PDE1A: variants seen among roughly 807,000 people sequenced by gnomAD.
The protein encoded by PDE1A is phosphodiesterase 1A, also known as dual specificity calcium/calmodulin-dependent 3',5'-cyclic nucleotide phosphodiesterase 1A.
Under a neutral mutation model 61.7 loss-of-function variants are expected in PDE1A, and 35 were observed. The ratio of observed to expected loss-of-function variants is 0.57; its 90% CI spans 0.43 to 0.75. PDE1A has a LOEUF of 0.75. Among genes scored for constraint, PDE1A ranks in the 30% least tolerant of loss-of-function variants. The pLI is 0.00. For synonymous variants in PDE1A, 232 were observed against 213.2 expected, an observed-to-expected ratio of 1.09 and a Z score of -0.77; for missense variants, 597 against 630.6, an observed-to-expected ratio of 0.95 and a Z score of 0.57.
chr2:182,410,078 A>C (rs542992310), intron 1 of PDE1A, among the ~76,000 whole-genome samples: 1 of 152,202 alleles, frequency 6.6e-6, no homozygotes, highest in African/African-American at 2.4e-5. Context: ...CAGGCCAGAC[A>C]TGGTGGCTTA....
At chr2:182,365,948 GTAC>G (rs1214344229) in intron 1 of PDE1A, among the ~76,000 whole-genome samples, 40 of 152,114 alleles carry the variant, frequency 2.6e-4, no homozygotes, top group African/African-American at 9.6e-4. Flanking sequence ...CCTCCGAGGT[GTAC>G]TGTCAACTGT....
At chr2:182,596,459 G>A in the PDE1A span, among the ~76,000 whole-genome samples, 1 of 152,176 alleles carries the variant, frequency 6.6e-6, no homozygotes, top group Admixed American at 6.5e-5. Context: ...ACATCGCAAG[G>A]GGAGAAGGAA....
the PDE1A span, among the ~76,000 whole-genome samples, chr2:182,574,155 G>C: frequency 2.0e-5 from 3 of 151,838 alleles, no homozygotes; most frequent in African/African-American, 7.3e-5. Flanking sequence ...AAAGATGTAG[G>C]CTGGGAGGCT....
At chr2:182,276,985 C>T (rs184948968) in intron 1 of PDE1A, among the ~76,000 whole-genome samples, 14 of 152,148 alleles carry the variant, frequency 9.2e-5, no homozygotes, top group African/African-American at 2.4e-4. Flanking sequence ...TGCTCTCGAA[C>T]GCTGTTTTCT....
chr2:182,628,147 G>T, the PDE1A span, among the ~76,000 whole-genome samples: 1 of 152,026 alleles, frequency 6.6e-6, no homozygotes, highest in Non-Finnish European at 1.5e-5. Context: ...AGAGGACTTT[G>T]CTTATCCTTA....
At chr2:182,596,198 A>G in the PDE1A span, among the ~76,000 whole-genome samples, 4 of 152,230 alleles carry the variant, frequency 2.6e-5, no homozygotes, top group African/African-American at 9.6e-5. Context: ...GGTACGCTGG[A>G]CCAGGCAGCT....
intron 3 of PDE1A, 107 bp from the exon 4 acceptor site, chr2:182,234,605 T>C (rs1047255305): frequency 1.6e-5 from 11 of 693,416 alleles, no homozygotes; most frequent in Non-Finnish European, 2.5e-5. Context: ...TCACCTCTTA[T>C]CATTAGTTAC....
the PDE1A span, among the ~76,000 whole-genome samples, chr2:182,567,562 T>C: frequency 6.6e-6 from 1 of 152,078 alleles, no homozygotes; most frequent in Non-Finnish European, 1.5e-5. Flanking sequence ...ATCTCTTTAC[T>C]AGGTTTTCTA....
the PDE1A span, among the ~76,000 whole-genome samples, chr2:182,695,671 AAAAAAAAAAAAAAAG>A: frequency 1.1e-5 from 1 of 89,238 alleles, no homozygotes; most frequent in African/African-American, 3.9e-5. Flanking sequence ...TCTCTCAAAA[AAAAAAAAAAAAAAAG>A]AAAAAGAAAA....
intron 6 of PDE1A, among the ~76,000 whole-genome samples, chr2:182,225,825 A>T (rs1689097420): frequency 6.7e-6 from 1 of 150,108 alleles, no homozygotes; most frequent in Non-Finnish European, 1.5e-5. Flanking sequence ...AGTGATTGTA[A>T]TTCATGTACA....
At chr2:182,448,162 A>T (rs1210554868) in intron 2 of PDE1A, among the ~76,000 whole-genome samples, 1 of 152,104 alleles carries the variant, frequency 6.6e-6, no homozygotes, top group African/African-American at 2.4e-5. Context: ...ACATTTCAAG[A>T]TTCTAACACT....
intron 12 of PDE1A, among the ~76,000 whole-genome samples, 173 bp downstream of exon 12, chr2:182,186,295 T>C (rs1310830739): frequency 3.3e-5 from 5 of 152,200 alleles, no homozygotes; most frequent in African/African-American, 1.2e-4. Context: ...TTTTGTGTAT[T>C]AAACTTCAGT....
downstream of PDE1A, chr2:182,142,123 A>AACTCAC (rs1553516500): frequency 6.8e-6 from 1 of 146,212 alleles, no homozygotes; most frequent in African/African-American, 2.5e-5. Context: ...GACATTTTTG[A>AACTCAC]ACACACACAC....
At chr2:182,290,263 A>C (rs185506895) in intron 1 of PDE1A, among the ~76,000 whole-genome samples, 18 of 152,248 alleles carry the variant, frequency 1.2e-4, no homozygotes, top group Admixed American at 7.9e-4. Flanking sequence ...AAGTATATTG[A>C]GTATGCATGT....
intron 10 of PDE1A, among the ~76,000 whole-genome samples, chr2:182,198,161 A>G (rs10169895): frequency 0.24 from 35,590 of 151,150 alleles, 4,717 homozygotes; most frequent in African/African-American, 0.33. Flanking sequence ...TGCTGTTATA[A>G]AGCATACTGT....
At chr2:182,224,198 ATT>A (rs1688958201) in intron 6 of PDE1A, among the ~76,000 whole-genome samples, 1 of 151,932 alleles carries the variant, frequency 6.6e-6, no homozygotes, top group East Asian at 1.9e-4. Flanking sequence ...GTCCTTGCTA[ATT>A]GAAAAAGGAG....
chr2:182,675,961 A>T, the PDE1A span, among the ~76,000 whole-genome samples: 1 of 152,046 alleles, frequency 6.6e-6, no homozygotes, highest in Non-Finnish European at 1.5e-5. Context: ...GTTTAATTAG[A>T]TCTCATTTGT....
At chr2:182,577,082 A>G in the PDE1A span, among the ~76,000 whole-genome samples, 2 of 152,242 alleles carry the variant, frequency 1.3e-5, no homozygotes, top group East Asian at 1.9e-4. Context: ...TTTAATTTCA[A>G]TGTAGTTTAA....
chr2:182,553,867 CT>C, the PDE1A span, among the ~76,000 whole-genome samples: 1 of 152,144 alleles, frequency 6.6e-6, no homozygotes, highest in East Asian at 1.9e-4. Context: ...GATTTAGGGG[CT>C]ATAAAGAATC....
Sources: gnomAD v4.1 joint callset for allele counts (sites outside exome capture counted in the v4.1 genomes callset) on GRCh38, gnomAD v4.1.1 for gene constraint, MANE v1.5 for transcripts, NCBI Gene and HGNC (gene_info 2026-07-23, HGNC 2026-07-21) for gene names.